The following PKHD1 variants were observed in gnomAD, a reference collection of about 807,000 sequenced individuals.
PKHD1 encodes the protein fibrocystin.
In PKHD1, 291 loss-of-function variants were observed where a neutral mutation model predicts 412.0. The ratio of observed to expected loss-of-function variants is 0.71; its 90% CI spans 0.64 to 0.78. The LOEUF (loss-of-function observed/expected upper bound fraction) is 0.78. PKHD1 is among the 30% of genes least tolerant of loss of function. PKHD1 has a pLI of 0.00. For missense variants in PKHD1, 4,825 were observed against 4,950.7 expected, an observed-to-expected ratio of 0.97 and a Z score of 0.76; for synonymous variants, 1,777 against 1,821.5, an observed-to-expected ratio of 0.98 and a Z score of 0.62.
At chr6:51,992,214 A>C (rs1339886238) in intron 35 of PKHD1, among the ~76,000 whole-genome samples, 1 of 152,226 alleles carries the variant, frequency 6.6e-6, no homozygotes, top group Non-Finnish European at 1.5e-5. Context: ...GCATTCAATT[A>C]ATGTTACCCC....
At chr6:52,049,873 C>T (rs1806501354) in intron 22 of PKHD1, among the ~76,000 whole-genome samples, 1 of 152,168 alleles carries the variant, frequency 6.6e-6, no homozygotes, top group Non-Finnish European at 1.5e-5. Context: ...AATTAGTTCT[C>T]AAAGCGTAGT....
At chr6:51,920,949 C>A (rs932180707) in intron 37 of PKHD1, among the ~76,000 whole-genome samples, 1 of 152,138 alleles carries the variant, frequency 6.6e-6, no homozygotes, top group African/African-American at 2.4e-5. Context: ...GTTTATATTT[C>A]TGTGGGATAG....
chr6:51,695,951 G>A (rs913323889), intron 60 of PKHD1, among the ~76,000 whole-genome samples: 23 of 152,126 alleles, frequency 1.5e-4, no homozygotes, highest in Non-Finnish European at 2.9e-4. Context: ...AAAAGTTTGC[G>A]TTGATGGTCC....
chr6:51,749,236 C>T (rs1460091146), intron 57 of PKHD1, among the ~76,000 whole-genome samples: 1 of 152,184 alleles, frequency 6.6e-6, no homozygotes, highest in Non-Finnish European at 1.5e-5. Context: ...CAATAACATG[C>T]TTTTAAAATC....
rs143807505 is a variant in PKHD1 at position 51,664,239 on chromosome 6, T to A, written c.10157-4270A>T. Among the ~76,000 whole-genome samples the A allele has an allele frequency of 2.8e-4, 42 of 152,186 alleles. No homozygotes were observed. In the East Asian group the frequency reaches 4.9e-3, roughly 18 times the overall value. Reference sequence around the variant, plus strand: ...CCATTTCTGCCTCAAGGATCCAAAGTTCCCCATTCCACTATTCAGTCATGA... The same window carrying A: ...CCATTTCTGCCTCAAGGATCCAAAGATCCCCATTCCACTATTCAGTCATGA... On this transcript the variant is annotated intron_variant, in intron 60 of 66. Coordinates refer to ENST00000371117, the MANE Select transcript of PKHD1 (RefSeq NM_138694.4).
chr6:51,778,640 T>C (rs1316435201), intron 53 of PKHD1, among the ~76,000 whole-genome samples: 3 of 152,124 alleles, frequency 2.0e-5, no homozygotes, highest in Non-Finnish European at 4.4e-5. Context: ...AAATGAGTTC[T>C]GGCATATGAA....
chr6:51,646,982 C>A (rs1023310590), intron 63 of PKHD1, among the ~76,000 whole-genome samples: 1 of 152,166 alleles, frequency 6.6e-6, no homozygotes, highest in Non-Finnish European at 1.5e-5. Flanking sequence ...GAGAGCGCAG[C>A]CCAAACTCCC....
intron 37 of PKHD1, among the ~76,000 whole-genome samples, chr6:51,929,733 G>A (rs1423526171): frequency 1.3e-5 from 2 of 152,176 alleles, no homozygotes; most frequent in East Asian, 3.8e-4. Flanking sequence ...TGCTTATTTA[G>A]ACCACTGCTT....
intron 60 of PKHD1, among the ~76,000 whole-genome samples, chr6:51,665,755 G>A (rs1773651693): frequency 6.6e-6 from 1 of 152,158 alleles, no homozygotes; most frequent in Non-Finnish European, 1.5e-5. Context: ...CTGTAGATAA[G>A]ACAGAACTCA....
At chr6:51,721,776 C>T (rs1159808388) in intron 60 of PKHD1, 5 of 1,421,402 alleles carry the variant, frequency 3.5e-6, no homozygotes, top group Non-Finnish European at 4.6e-6. Flanking sequence ...TCTATTTCCT[C>T]TCTTTTGTAT....
chr6:51,618,667 A>C lies in PKHD1; in HGVS notation c.*414T>G. ...GCTTTTCTGTAACAGTGTGGAATTA[A>C]ACTGTAGCTGACCAGACCTTTTCAT... On this transcript the variant is annotated 3_prime_UTR_variant, in exon 67 of 67. Transcript: ENST00000371117. The C allele has an allele frequency of 3.3e-6, 1 of 302,954 alleles. No individual in the cohort carries two copies. The highest frequency in any genetic ancestry group is 3.2e-5 in the South Asian group (1 of 31,706). 18.8% of individuals were successfully genotyped at this position (302,954 alleles called of 1,614,324 possible). A position where few individuals can be genotyped will look rare whatever the true frequency, so the allele number is the denominator to read the frequency against.
At chr6:51,924,989 G>A (rs4711988) in intron 37 of PKHD1, among the ~76,000 whole-genome samples, 58,277 of 152,038 alleles carry the variant, frequency 0.38, 11,984 homozygotes, top group East Asian at 0.76. Flanking sequence ...AATAATGTCC[G>A]TTTTATAGAT....
In PKHD1 at chr6:51,619,132, C is replaced by T. The variant is rs1766290025; in HGVS notation, c.12174G>A (p.Glu4058=). The T allele has an allele frequency of 6.2e-7, 1 of 1,614,246 alleles. No individual in the cohort carries two copies. The highest frequency in any genetic ancestry group is 1.7e-4 in the Middle Eastern group (1 of 6,058). Residue 4058 remains glutamate (E), a synonymous_variant, in exon 67 of 67, where the codon GAG becomes GAA. Transcript: ENST00000371117. ...QEKKASCGAT[E]AFCLHSVHPE... is the part of the protein sequence containing the mutation. ...GGTGTACTGAATGAAGGCAGAATGC[C>T]TCAGTGGCCCCGCAGGAGGCTTTCT...
chr6:52,008,980 A>G (rs1355582156), intron 35 of PKHD1, among the ~76,000 whole-genome samples: 1 of 152,212 alleles, frequency 6.6e-6, no homozygotes, highest in Non-Finnish European at 1.5e-5. Context: ...ACTGAGGCCC[A>G]GAGAGGCTTA....
intron 60 of PKHD1, among the ~76,000 whole-genome samples, chr6:51,678,558 T>C (rs936669853): frequency 1.2e-4 from 19 of 152,082 alleles, no homozygotes; most frequent in Non-Finnish European, 4.4e-5. Context: ...AAGGTAGAAA[T>C]GACAACCTAT....
intron 35 of PKHD1, among the ~76,000 whole-genome samples, chr6:51,989,897 G>GAAGGAAAGAAGGAAGGA (rs1296315116): frequency 1.1e-4 from 1 of 9,440 alleles, no homozygotes. Context: ...AGGAAGGAAG[G>GAAGGAAAGAAGGAAGGA]AGGGAGGAAG....
chr6:51,668,191 T>C (rs1774196444), intron 60 of PKHD1, among the ~76,000 whole-genome samples: 1 of 152,148 alleles, frequency 6.6e-6, no homozygotes, highest in Non-Finnish European at 1.5e-5. Flanking sequence ...TGGAATGTTC[T>C]TCCATTTGTT....
chr6:51,666,209 G>T (rs1773740372), intron 60 of PKHD1, among the ~76,000 whole-genome samples: 1 of 151,894 alleles, frequency 6.6e-6, no homozygotes, highest in Non-Finnish European at 1.5e-5. Context: ...AATTTGGAGT[G>T]GGAATGAATT....
intron 1 of PKHD1, among the ~76,000 whole-genome samples, chr6:52,085,576 T>G (rs1812660256): frequency 6.6e-6 from 1 of 152,212 alleles, no homozygotes; most frequent in Non-Finnish European, 1.5e-5. Context: ...CAGCTGATTC[T>G]TTCCTCCGCC....
Sources: allele counts gnomAD v4.1 joint callset (sites outside exome capture counted in the v4.1 genomes callset), GRCh38; gene constraint gnomAD v4.1.1; transcripts MANE v1.5; gene names NCBI Gene and HGNC (gene_info 2026-07-23, HGNC 2026-07-21).